The following LACTBL1 variants were observed in gnomAD, a reference collection of about 807,000 sequenced individuals.
LACTBL1 encodes beta-lactamase-like protein 1.
In LACTBL1, 29 loss-of-function variants were observed where a neutral mutation model predicts 39.6. The ratio of observed to expected loss-of-function variants is 0.73; its 90% CI spans 0.55 to 1.00. The LOEUF is 1.00. Among genes scored for constraint, LACTBL1 ranks in the 50% least tolerant of loss-of-function variants. LACTBL1 has a pLI of 0.00. For synonymous variants in LACTBL1, 361 were observed against 360.7 expected (o/e 1.00, Z -0.01); for missense variants, 711 against 748.5 (o/e 0.95, Z 0.59).
the LACTBL1 span, among the ~76,000 whole-genome samples, chr1:22,971,106 G>T: frequency 6.6e-6 from 1 of 152,162 alleles, no homozygotes; most frequent in African/African-American, 2.4e-5. Flanking sequence ...GTAACCAGCA[G>T]ATCCTTAGCT....
intron 1 of LACTBL1, among the ~76,000 whole-genome samples, chr1:22,964,044 C>T (rs1180101482): frequency 6.6e-6 from 1 of 152,188 alleles, no homozygotes; most frequent in East Asian, 1.9e-4. Flanking sequence ...TCAAGCGATT[C>T]TCCTGCCTCA....
chr1:22,955,574 T>TC, intron 4 of LACTBL1, 148 bp from the exon 7 acceptor site: 1 of 612,504 alleles, frequency 1.6e-6, no homozygotes, highest in African/African-American at 1.8e-5. Flanking sequence ...TAGCGTGGAC[T>TC]CCAGTCCTGC....
chr1:22,967,567 TAC>T (rs149065665), upstream of LACTBL1, among the ~76,000 whole-genome samples: 6,950 of 148,356 alleles, frequency 0.047, 535 homozygotes, highest in African/African-American at 0.16. Flanking sequence ...TCCATATATA[TAC>T]ACACACACAC....
At chr1:22,968,153 C>T (rs1640902467), upstream of LACTBL1, among the ~76,000 whole-genome samples, 1 of 152,150 alleles carries the variant, frequency 6.6e-6, no homozygotes, top group Non-Finnish European at 1.5e-5. Flanking sequence ...CTGCAACTTG[C>T]TTTTTATTCA....
At chr1:22,955,671 C>G (rs1029544765) in intron 4 of LACTBL1, among the ~76,000 whole-genome samples, 2 of 152,188 alleles carry the variant, frequency 1.3e-5, no homozygotes, top group African/African-American at 4.8e-5. Flanking sequence ...GGAAATAATC[C>G]TTGTACCCAA....
At chr1:22,957,640 CTTTTTT>C (rs34603019) in intron 4 of LACTBL1, among the ~76,000 whole-genome samples, 7 of 56,682 alleles carry the variant, frequency 1.2e-4, no homozygotes, top group South Asian at 8.3e-4. Context: ...TCTTAATATT[CTTTTTT>C]TTTTTTTTTT....
Position 22,953,480 on chromosome 1 carries a change from AGGCCCGCGCCACCAGGTCG to A in LACTBL1, c.1185_1203del (p.Asp396ThrfsTer37). The A allele has an allele frequency of 2.4e-6, 3 of 1,230,174 alleles. No homozygotes were observed. The highest frequency in any genetic ancestry group is 3.0e-6 in the Non-Finnish European group (3 of 987,380). The allele number at this position is 1,230,174 out of a possible 1,614,324, so 76.2% of individuals were successfully genotyped here. A position where few individuals can be genotyped will look rare whatever the true frequency, so the allele number is the denominator to read the frequency against. On this transcript the variant is annotated frameshift_variant, in exon 6 of 6. Coordinates refer to ENST00000426928, the Ensembl canonical transcript of LACTBL1. LOFTEE classifies it high-confidence loss of function. ...TCCAGGGCGGGCAGGAGCTCATCGT[AGGCCCGCGCCACCAGGTCG>A]GGCCCGGGCGGCCGTGGCCCTGCCA...
At chr1:22,972,131 A>C in the LACTBL1 span, among the ~76,000 whole-genome samples, 2 of 149,372 alleles carry the variant, frequency 1.3e-5, no homozygotes, top group African/African-American at 2.5e-5. Context: ...TGCAGGTGCA[A>C]GCTCTAGAGA....
Position 22,954,298 on chromosome 1 carries a change from C to G in LACTBL1, c.660-274G>C, listed in dbSNP as rs547655582. Reference sequence around the variant, plus strand: ...TCAGCGGTGCACCTGGGAAAGCTGTCACACAAATCTTATTGGTCCTTCACA... The same window carrying G: ...TCAGCGGTGCACCTGGGAAAGCTGTGACACAAATCTTATTGGTCCTTCACA... On this transcript the variant is annotated intron_variant, in intron 5 of 5. Transcript: ENST00000426928. Among the ~76,000 whole-genome samples the G allele has an allele frequency of 8.5e-5, 13 of 152,302 alleles. No individual in the cohort carries two copies. In the South Asian group the frequency reaches 2.3e-3, roughly 27 times the overall value.
chr1:22,968,391 C>A (rs921975438), upstream of LACTBL1, among the ~76,000 whole-genome samples: 1 of 152,172 alleles, frequency 6.6e-6, no homozygotes, highest in African/African-American at 2.4e-5. Flanking sequence ...CTAAAGTTGT[C>A]ATTCCAATTT....
chr1:22,965,224 G>A, intron 1 of LACTBL1, 66 bp downstream of exon 3: 1 of 1,260,734 alleles, frequency 7.9e-7, no homozygotes, highest in Non-Finnish European at 1.0e-6. Context: ...ATCAGGGGTG[G>A]CAGCTCAAAG....
the LACTBL1 span, among the ~76,000 whole-genome samples, chr1:22,972,691 T>C: frequency 6.6e-6 from 1 of 152,128 alleles, no homozygotes; most frequent in Non-Finnish European, 1.5e-5. Flanking sequence ...GTGCCCCGCA[T>C]TGAATTCCAG....
At chr1:22,963,337 G>T in intron 1 of LACTBL1, 121 bp from the exon 4 acceptor site, 1 of 481,254 alleles carries the variant, frequency 2.1e-6, no homozygotes, top group African/African-American at 2.0e-5. Context: ...AGCCGAGCCG[G>T]GGGATATCAG....
chr1:22,966,133 A>T (rs1293943800), upstream of LACTBL1, among the ~76,000 whole-genome samples: 2 of 152,216 alleles, frequency 1.3e-5, no homozygotes, highest in African/African-American at 4.8e-5. Flanking sequence ...AAATAATAGT[A>T]CCTACTTGTA....
intron 4 of LACTBL1, among the ~76,000 whole-genome samples, chr1:22,957,810 C>T (rs1384467827): frequency 6.6e-6 from 1 of 151,914 alleles, no homozygotes; most frequent in Non-Finnish European, 1.5e-5. Flanking sequence ...GCCACCACAC[C>T]CAGATAATTT....
In LACTBL1 at chr1:22,953,795, G is replaced by A. The variant is rs776165548; in HGVS notation, c.889C>T (p.Gln297Ter). ...AGGTCGGCGGCGGTAGAGTACATCTGGCCCGACGGCCGGTACCAGCCCAGG... is the reference window on the plus strand; with the variant it reads ...AGGTCGGCGGCGGTAGAGTACATCTAGCCCGACGGCCGGTACCAGCCCAGG... The change falls in exon 6 of 6, where the codon CAG becomes TAG. Residue 297 changes from glutamine (Q) to a stop codon, truncating the protein, a stop_gained. Transcript: ENST00000426928. LOFTEE classifies it high-confidence loss of function. 6.5e-7 allele frequency: 1 copy of A among 1,544,206 alleles called. No individual in the cohort carries two copies. Among genetic ancestry groups the A allele is most frequent in the South Asian group, 1.2e-5 (1 of 83,778 alleles).
At chr1:22,963,272 G>C (rs1640845160) in intron 1 of LACTBL1, 56 bp from the exon 4 acceptor site, 1 of 1,054,264 alleles carries the variant, frequency 9.5e-7, no homozygotes, top group African/African-American at 1.7e-5. Context: ...GGAATCTAGG[G>C]GGAAAGTGGC....
chr1:22,956,694 C>T (rs309508), intron 4 of LACTBL1, among the ~76,000 whole-genome samples: 66,360 of 151,898 alleles, frequency 0.44, 14,853 homozygotes, highest in African/African-American at 0.52. Context: ...TCCCTCCGCA[C>T]CTGCCTTGCT....
chr1:22,953,732 G>A, exon 6 of LACTBL1: 1 of 1,347,238 alleles, frequency 7.4e-7, no homozygotes, highest in Non-Finnish European at 9.5e-7. Flanking sequence ...AGGAGCCGCC[G>A]GGGCCCGCCG....
Sources: gnomAD v4.1 joint callset for allele counts (sites outside exome capture counted in the v4.1 genomes callset) on GRCh38, gnomAD v4.1.1 for gene constraint, MANE v1.5 for transcripts, NCBI Gene and HGNC (gene_info 2026-07-23, HGNC 2026-07-21) for gene names.